RIC3: variants seen among roughly 807,000 people sequenced by gnomAD.
RIC3 encodes the protein RIC3 acetylcholine receptor chaperone.
Under a neutral mutation model 27.3 loss-of-function variants are expected in RIC3, and 28 were observed. The ratio of observed to expected loss-of-function variants is 1.02; its 90% CI spans 0.76 to 1.41. The LOEUF (loss-of-function observed/expected upper bound fraction) is 1.41, where lower values mean the gene tolerates loss of function less well. Among genes scored for constraint, RIC3 ranks in the 40% most tolerant of loss-of-function variants. RIC3 has a pLI of 0.00. For synonymous variants in RIC3, 184 were observed against 160.4 expected, an observed-to-expected ratio of 1.15 and a Z score of -1.11; for missense variants, 501 against 444.7, an observed-to-expected ratio of 1.13 and a Z score of -1.14.
downstream of RIC3, chr11:8,105,341 C>G (rs983672257): frequency 4.6e-5 from 7 of 152,212 alleles, no homozygotes; most frequent in Admixed American, 3.9e-4. Flanking sequence ...AGTTGGGACT[C>G]TATACTACCC....
At chr11:8,153,990 C>T (rs1950460348) in intron 1 of RIC3, among the ~76,000 whole-genome samples, 1 of 152,134 alleles carries the variant, frequency 6.6e-6, no homozygotes, top group African/African-American at 2.4e-5. Context: ...CTACAGGTAG[C>T]AACCTCACCT....
intron 5 of RIC3, among the ~76,000 whole-genome samples, chr11:8,122,418 T>C (rs988957007): frequency 6.6e-6 from 1 of 151,800 alleles, no homozygotes; most frequent in South Asian, 2.1e-4. Context: ...GTATATATAG[T>C]TCATTCCTTT....
chr11:8,154,865 A>G (rs937421161), intron 1 of RIC3, among the ~76,000 whole-genome samples: 1 of 152,220 alleles, frequency 6.6e-6, no homozygotes, highest in African/African-American at 2.4e-5. Context: ...GACTATCTCT[A>G]TAGGTACTTA....
At chr11:8,138,378 C>G in intron 2 of RIC3, 31 bp from the exon 3 acceptor site, 1 of 1,450,918 alleles carries the variant, frequency 6.9e-7, no homozygotes, top group Non-Finnish European at 9.7e-7. Context: ...AGCACATCAA[C>G]AGCAGCTCAG....
the RIC3 span, chr11:8,094,210 G>T: frequency 6.3e-7 from 1 of 1,595,362 alleles, no homozygotes. Flanking sequence ...ATTCTCTACA[G>T]CCCTCCCCAG....
the RIC3 span, among the ~76,000 whole-genome samples, chr11:8,096,281 G>A: frequency 7.9e-5 from 12 of 152,210 alleles, no homozygotes; most frequent in Non-Finnish European, 1.2e-4. Context: ...CGTGGTCTAT[G>A]CCAGCCAAGG....
chr11:8,101,120 G>C, downstream of RIC3: 2 of 1,195,374 alleles, frequency 1.7e-6, no homozygotes, highest in Non-Finnish European at 2.3e-6. Flanking sequence ...ATACAGCTAA[G>C]GTTAGATGTA....
intron 5 of RIC3, among the ~76,000 whole-genome samples, chr11:8,115,081 G>A (rs1945699023): frequency 6.6e-6 from 1 of 151,908 alleles, no homozygotes; most frequent in African/African-American, 2.4e-5. Flanking sequence ...TAAATATCTG[G>A]GTACAAGAAG....
Position 8,110,603 on chromosome 11 carries a change from G to A in RIC3, c.*95C>T. 1 of 1,086,426 alleles carries A rather than the reference G, an allele frequency of 9.2e-7. No individual in the cohort carries two copies. Among genetic ancestry groups the A allele is most frequent in the Middle Eastern group, 2.0e-4 (1 of 4,896 alleles). 67.3% of individuals were successfully genotyped at this position (1,086,426 alleles called of 1,614,324 possible). A position where few individuals can be genotyped will look rare whatever the true frequency, so the allele number is the denominator to read the frequency against. On this transcript the variant is annotated 3_prime_UTR_variant, in exon 6 of 6. Coordinates refer to ENST00000309737, the MANE Select transcript of RIC3 (RefSeq NM_001206671.4). ...CTGATAGCTATGACACTTGAACACA[G>A]TGAAGAAAGTGCAGGGCACAGGGCC...
rs776908111 is a variant in RIC3, at chr11:8,137,455, A to G, written c.444T>C (p.Ala148=). 5.0e-6 allele frequency: 8 copies of G among 1,613,926 alleles called. No homozygotes were observed. The highest frequency in any genetic ancestry group is 6.8e-6 in the Non-Finnish European group (8 of 1,180,000). ...TCTCCTTCAGTTTTTCTTGCAGTTG[A>G]GCAAGCTCAAAACTGGCTAAAAAAT... is the stretch of plus-strand genomic sequence containing the variant. The part of the protein sequence containing the change: ...THRKITSFEL[A]QLQEKLKETE... Residue 148 remains alanine, a synonymous_variant, in exon 4 of 6, where the codon GCT becomes GCC. Transcript: ENST00000309737.
downstream of RIC3, chr11:8,102,783 G>A (rs1944360764): frequency 6.6e-6 from 1 of 152,192 alleles, no homozygotes; most frequent in Non-Finnish European, 1.5e-5. Flanking sequence ...TGTTGCTTTA[G>A]GTGAGTCACA....
At chr11:8,152,564 T>A (rs1231650433) in intron 1 of RIC3, among the ~76,000 whole-genome samples, 1 of 152,162 alleles carries the variant, frequency 6.6e-6, no homozygotes. Flanking sequence ...AGCTGGGGTT[T>A]GGAGGGGTGC....
At chr11:8,156,645 C>G (rs1007685169) in intron 1 of RIC3, among the ~76,000 whole-genome samples, 5 of 152,164 alleles carry the variant, frequency 3.3e-5, no homozygotes, top group Non-Finnish European at 5.9e-5. Flanking sequence ...CTGACTTTCA[C>G]CTTCTTGCTT....
At chr11:8,118,927 G>A (rs1946166557) in intron 5 of RIC3, among the ~76,000 whole-genome samples, 1 of 150,532 alleles carries the variant, frequency 6.6e-6, no homozygotes, top group Admixed American at 6.6e-5. Flanking sequence ...AACCAAATTA[G>A]TATATTAAAA....
the RIC3 span, chr11:8,100,404 T>A: frequency 4.5e-6 from 4 of 894,328 alleles, no homozygotes; most frequent in East Asian, 1.0e-4. Context: ...GGAGTGGAGA[T>A]GGTGGGAACT....
At chr11:8,163,570 AT>A (rs1361673660) in intron 1 of RIC3, among the ~76,000 whole-genome samples, 22 of 152,302 alleles carry the variant, frequency 1.4e-4, no homozygotes, top group East Asian at 1.9e-4. Context: ...CTAATTGTCT[AT>A]ACACTAAGGA....
chr11:8,131,621 C>T (rs2133748320), intron 4 of RIC3, among the ~76,000 whole-genome samples: 1 of 152,164 alleles, frequency 6.6e-6, no homozygotes, highest in East Asian at 1.9e-4. Context: ...TGAATAGGGG[C>T]CAGGTGCGGT....
intron 4 of RIC3, chr11:8,135,761 G>C (rs1385362302): frequency 2.0e-5 from 3 of 152,126 alleles, no homozygotes; most frequent in Non-Finnish European, 4.4e-5. Flanking sequence ...GTTGCCAATG[G>C]CCCAGGTGAG....
At chr11:8,114,539 G>C (rs1224785772) in intron 5 of RIC3, among the ~76,000 whole-genome samples, 3 of 150,728 alleles carry the variant, frequency 2.0e-5, no homozygotes, top group Admixed American at 2.0e-4. Context: ...CCAGGAGGCA[G>C]AGGTTCCAGT....
Sources: allele counts gnomAD v4.1 joint callset (sites outside exome capture counted in the v4.1 genomes callset), GRCh38; gene constraint gnomAD v4.1.1; transcripts MANE v1.5; gene names NCBI Gene and HGNC (gene_info 2026-07-23, HGNC 2026-07-21).